Variants in CLCN5 observed in about 807,000 individuals in gnomAD.
CLCN5 encodes the protein Cl-/H+ antiporter 5.
Under a neutral mutation model 54.0 loss-of-function variants are expected in CLCN5, and 17 were observed. That is an observed-to-expected ratio of 0.31 (90% CI 0.22 to 0.47). The LOEUF is 0.47. Among genes scored for constraint, CLCN5 ranks in the 20% least tolerant of loss-of-function variants. The pLI is 1.00. For missense variants in CLCN5, 448 were observed against 646.7 expected (o/e 0.69, Z 3.33); for synonymous variants, 222 against 233.0 (o/e 0.95, Z 0.43).
chrX:49,937,685 T>A (rs1926072800), intron 3 of CLCN5, among the ~76,000 whole-genome samples: 1 of 112,231 alleles, frequency 8.9e-6, no homozygotes, highest in Non-Finnish European at 1.9e-5. Context: ...CTGGGTATAT[T>A]AATAACTAAA....
chrX:50,036,099 A>G (rs782616774), intron 3 of CLCN5, among the ~76,000 whole-genome samples: 1 of 111,924 alleles, frequency 8.9e-6, no homozygotes, highest in Non-Finnish European at 1.9e-5. Context: ...TGTGTTATGG[A>G]AAGAGCACTG....
At chrX:50,088,082 C>A (rs1933954403) in intron 11 of CLCN5, among the ~76,000 whole-genome samples, 1 of 112,098 alleles carries the variant, frequency 8.9e-6, no homozygotes, top group African/African-American at 3.2e-5. Context: ...ACCTCATGTG[C>A]TATATCCTTT....
rs1272811027 is a variant in CLCN5, at chrX:50,024,463, CCTT to C, written c.17-17847_17-17845del. On this transcript the variant is annotated intron_variant, in intron 3 of 14. Transcript: ENST00000376091. The stretch of plus-strand genomic sequence containing the variant: ...CTCAGAGTAATTTGATCGTCTGAAG[CCTT>C]CTTCTCTCAGCTCGTCAAAATCATT... 4.9e-3 allele frequency among the ~76,000 whole-genome samples: 269 copies of C among 55,074 alleles called. 2 individuals are homozygous for C. The highest frequency in any genetic ancestry group is 0.011 in the Middle Eastern group (1 of 87). 47.8% of individuals were successfully genotyped at this position (55,074 alleles called of 115,157 possible).
intron 3 of CLCN5, among the ~76,000 whole-genome samples, chrX:50,008,076 C>T (rs1027146168): frequency 8.0e-5 from 9 of 112,144 alleles, no homozygotes; most frequent in Non-Finnish European, 1.1e-4. Context: ...CCTCTGTAAC[C>T]TGTATATTAC....
At chrX:49,955,944 G>C (rs1927295858) in intron 3 of CLCN5, among the ~76,000 whole-genome samples, 2 of 111,723 alleles carry the variant, frequency 1.8e-5, no homozygotes, top group South Asian at 7.5e-4. Context: ...TCTTCAAATT[G>C]ACAAATTCTG....
At chrX:49,925,733 T>C (rs782813603) in intron 3 of CLCN5, among the ~76,000 whole-genome samples, 29 of 112,153 alleles carry the variant, frequency 2.6e-4, no homozygotes, top group Non-Finnish European at 4.9e-4. Flanking sequence ...ATAAAAACTT[T>C]GTGATGTATG....
At chrX:49,986,837 C>T (rs1929012728) in intron 3 of CLCN5, among the ~76,000 whole-genome samples, 1 of 111,470 alleles carries the variant, frequency 9.0e-6, no homozygotes, top group Admixed American at 9.5e-5. Flanking sequence ...TGTATGTTTC[C>T]CCAATTTTTT....
At chrX:50,015,744 C>T (rs1930757967) in intron 3 of CLCN5, among the ~76,000 whole-genome samples, 1 of 110,527 alleles carries the variant, frequency 9.0e-6, no homozygotes. Flanking sequence ...CTGATCTATT[C>T]ATTCCTCCCC....
At chrX:49,992,208 C>CTTTTTTTT (rs200172433) in intron 3 of CLCN5, among the ~76,000 whole-genome samples, 4 of 84,217 alleles carry the variant, frequency 4.7e-5, no homozygotes, top group Non-Finnish European at 7.2e-5. Flanking sequence ...CTCTTTTTTT[C>CTTTTTTTT]TTTTTTTTTT....
chrX:49,962,025 A>C lies in CLCN5; in HGVS notation c.16+36711A>C, dbSNP rs782447367. On this transcript the variant is annotated intron_variant, in intron 3 of 14. Coordinates refer to ENST00000376091, the MANE Select transcript of CLCN5 (RefSeq NM_001127898.4). ...AAAAGTCATGACCTTCAACAGGAAG[A>C]AGCAGTGAAAAGCTTCCATGTGCCC... Among the ~76,000 whole-genome samples, 6 of 112,144 alleles carry C rather than the reference A, an allele frequency of 5.4e-5. No homozygotes were observed. In the South Asian group the frequency reaches 2.2e-3, roughly 42 times the overall value.
intron 4 of CLCN5, 134 bp downstream of exon 4, chrX:50,042,596 A>G (rs1027818236): frequency 4.0e-5 from 15 of 371,847 alleles, no homozygotes; most frequent in African/African-American, 3.7e-4. Context: ...TATTGTAACT[A>G]CCACCACTGA....
At chrX:49,966,033 T>TG (rs1228020387) in intron 3 of CLCN5, among the ~76,000 whole-genome samples, 1 of 110,561 alleles carries the variant, frequency 9.0e-6, no homozygotes, top group Non-Finnish European at 1.9e-5. Flanking sequence ...GTATGTTTAT[T>TG]AGTGATATTG....
Position 49,991,181 on chromosome X carries a change from A to G in CLCN5, c.17-51135A>G, listed in dbSNP as rs1208343092. On this transcript the variant is annotated intron_variant, in intron 3 of 14. Transcript: ENST00000376091. ...TAGTCTACATTCCCACCAGCAGTGT[A>G]GAAGTGTTCCCTTGTCACCATATCC... Among the ~76,000 whole-genome samples the G allele has an allele frequency of 5.3e-5, 6 of 112,415 alleles. No individual in the cohort carries two copies. In the East Asian group the frequency reaches 1.7e-3, roughly 31 times the overall value.
chrX:50,039,223 G>A (rs1203209425), intron 3 of CLCN5, among the ~76,000 whole-genome samples: 2 of 112,303 alleles, frequency 1.8e-5, no homozygotes, highest in Non-Finnish European at 3.8e-5. Context: ...GAGCCTGGGA[G>A]GCCAAGGCTG....
intron 4 of CLCN5, among the ~76,000 whole-genome samples, chrX:50,063,570 T>G (rs1932900952): frequency 1.9e-5 from 2 of 107,519 alleles, no homozygotes; most frequent in Non-Finnish European, 3.8e-5. Flanking sequence ...AGCCGAATTC[T>G]CCCAGAGGTA....
chrX:50,019,284 G>C (rs782750139), intron 3 of CLCN5, among the ~76,000 whole-genome samples: 79 of 109,468 alleles, frequency 7.2e-4, no homozygotes, highest in African/African-American at 2.6e-3. Flanking sequence ...CGATAGTGAT[G>C]GTCTCTATTT....
chrX:50,037,859 A>C (rs1932064331), intron 3 of CLCN5, among the ~76,000 whole-genome samples: 1 of 111,445 alleles, frequency 9.0e-6, no homozygotes, highest in African/African-American at 3.3e-5. Flanking sequence ...GTGGATGTGA[A>C]AATATATGTG....
intron 3 of CLCN5, among the ~76,000 whole-genome samples, chrX:50,015,646 C>A (rs2147413994): frequency 9.1e-6 from 1 of 109,568 alleles, no homozygotes; most frequent in Non-Finnish European, 1.9e-5. Flanking sequence ...GATTCACTCC[C>A]CTCCTCCCAT....
chrX:49,969,420 A>C (rs1234177031), intron 3 of CLCN5, among the ~76,000 whole-genome samples: 1 of 112,080 alleles, frequency 8.9e-6, no homozygotes, highest in Non-Finnish European at 1.9e-5. Flanking sequence ...ATTTCCCTTC[A>C]AGTCCTGCTT....
Sources: gnomAD v4.1 joint callset for allele counts (sites outside exome capture counted in the v4.1 genomes callset) on GRCh38, gnomAD v4.1.1 for gene constraint, MANE v1.5 for transcripts, NCBI Gene and HGNC (gene_info 2026-07-23, HGNC 2026-07-21) for gene names.